CSMD1: variants seen among roughly 807,000 people sequenced by gnomAD.
CSMD1 encodes CUB and Sushi multiple domains 1.
CSMD1 carries 213 observed loss-of-function variants against 417.5 expected under a neutral mutation model. The observed-to-expected ratio is 0.51, with a 90% CI of 0.46 to 0.57. The LOEUF (loss-of-function observed/expected upper bound fraction) is 0.57. CSMD1 is among the 20% of genes least tolerant of loss of function. The pLI, the probability that CSMD1 is intolerant of heterozygous loss-of-function variation, is 0.00. For synonymous variants in CSMD1, 2,862 were observed against 1,736.8 expected, an observed-to-expected ratio of 1.65 and a Z score of -16.11; for missense variants, 6,923 against 4,529.7, an observed-to-expected ratio of 1.53 and a Z score of -15.17.
chr8:4,186,158 T>G (rs1238560141), intron 3 of CSMD1, among the ~76,000 whole-genome samples: 1 of 152,090 alleles, frequency 6.6e-6, no homozygotes, highest in Non-Finnish European at 1.5e-5. Flanking sequence ...CTGGAGCATA[T>G]GAGAAGCAGT....
chr8:4,191,885 A>C (rs1270563725), intron 3 of CSMD1, among the ~76,000 whole-genome samples: 1 of 152,288 alleles, frequency 6.6e-6, no homozygotes, highest in South Asian at 2.1e-4. Flanking sequence ...AAAATTTGAC[A>C]ACAATTCAAA....
At chr8:4,981,976 G>T (rs537464838) in intron 1 of CSMD1, among the ~76,000 whole-genome samples, 1 of 152,140 alleles carries the variant, frequency 6.6e-6, no homozygotes, top group Non-Finnish European at 1.5e-5. Flanking sequence ...CCCAGGAACT[G>T]ATGGTAAACT....
At chr8:4,671,130 T>A (rs1238722484) in intron 1 of CSMD1, among the ~76,000 whole-genome samples, 3 of 152,238 alleles carry the variant, frequency 2.0e-5, no homozygotes, top group Non-Finnish European at 4.4e-5. Context: ...GCACTCAGTA[T>A]TCTCTCTTCA....
chr8:4,041,101 C>G (rs1411391040), intron 3 of CSMD1, among the ~76,000 whole-genome samples: 1 of 146,704 alleles, frequency 6.8e-6, no homozygotes, highest in Non-Finnish European at 1.5e-5. Context: ...ACTGCAAGCT[C>G]CGCCTCCCGG....
At chr8:4,417,243 A>G (rs917010428) in intron 3 of CSMD1, among the ~76,000 whole-genome samples, 1 of 152,068 alleles carries the variant, frequency 6.6e-6, no homozygotes, top group African/African-American at 2.4e-5. Context: ...TCAATGACTG[A>G]ACACGTTGAT....
intron 7 of CSMD1, among the ~76,000 whole-genome samples, chr8:3,682,772 G>C (rs113577244): frequency 6.6e-6 from 1 of 152,170 alleles, no homozygotes; most frequent in African/African-American, 2.4e-5. Context: ...ATTCACAATA[G>C]CAAAGACTTG....
chr8:4,782,989 G>C (rs1310638250), intron 1 of CSMD1, among the ~76,000 whole-genome samples: 1 of 150,490 alleles, frequency 6.6e-6, no homozygotes, highest in African/African-American at 2.4e-5. Context: ...GAAAGAATTG[G>C]GTCAAATGTG....
intron 49 of CSMD1, among the ~76,000 whole-genome samples, chr8:3,060,428 A>T (rs1469550705): frequency 2.6e-5 from 4 of 152,162 alleles, no homozygotes; most frequent in Admixed American, 1.3e-4. Flanking sequence ...AACTCAAGTG[A>T]TCCACCCACC....
intron 5 of CSMD1, among the ~76,000 whole-genome samples, chr8:3,855,672 A>C (rs572266498): frequency 2.0e-5 from 3 of 152,156 alleles, no homozygotes; most frequent in African/African-American, 7.2e-5. Context: ...TTCATTAATC[A>C]TAACTGTTAT....
intron 2 of CSMD1, among the ~76,000 whole-genome samples, chr8:4,421,652 A>G (rs1181696996): frequency 1.2e-4 from 19 of 152,136 alleles, no homozygotes; most frequent in Admixed American, 1.2e-3. Flanking sequence ...AATATAAAAT[A>G]CAACATATTA....
intron 61 of CSMD1, among the ~76,000 whole-genome samples, chr8:2,961,537 T>C (rs1043334695): frequency 8.5e-5 from 13 of 152,184 alleles, no homozygotes; most frequent in African/African-American, 3.1e-4. Flanking sequence ...TAATGACCTA[T>C]CACTATCTTT....
Position 3,408,033 on chromosome 8 carries a change from G to C in CSMD1, c.1937C>G (p.Ser646Cys), listed in dbSNP as rs1162133655. The change falls in exon 14 of 70, where the codon TCT becomes TGT. Residue 646 changes from serine to cysteine, a missense_variant. Coordinates refer to ENST00000635120, the MANE Select transcript of CSMD1 (RefSeq NM_033225.6). ...AAAAGTACCCAGGACAGTTATGTCAGAAATGCCATCATCCTTGACCGCGAG... is the reference window on the plus strand; with the variant it reads ...AAAAGTACCCAGGACAGTTATGTCACAAATGCCATCATCCTTGACCGCGAG... Reference protein sequence around the residue: ...DFLAVKDDGISDITVLGTFSG... With the variant: ...DFLAVKDDGICDITVLGTFSG... 3 of 1,613,834 alleles carry C rather than the reference G, an allele frequency of 1.9e-6. No individual in the cohort carries two copies. Among genetic ancestry groups the C allele is most frequent in the African/African-American group, 2.7e-5 (2 of 74,906 alleles).
intron 10 of CSMD1, among the ~76,000 whole-genome samples, chr8:3,512,285 G>T (rs1403614699): frequency 6.6e-6 from 1 of 152,212 alleles, no homozygotes; most frequent in Non-Finnish European, 1.5e-5. Flanking sequence ...AAGCATTCTT[G>T]AAGATGCAGT....
intron 5 of CSMD1, among the ~76,000 whole-genome samples, chr8:3,852,813 C>A (rs1804008596): frequency 6.6e-6 from 1 of 152,170 alleles, no homozygotes; most frequent in Admixed American, 6.5e-5. Context: ...CACGCTTCAA[C>A]AATTCTCCGC....
chr8:4,355,919 G>A (rs571803367), intron 3 of CSMD1, among the ~76,000 whole-genome samples: 4 of 151,934 alleles, frequency 2.6e-5, no homozygotes, highest in African/African-American at 9.7e-5. Context: ...TGAATCAGCT[G>A]TTTTTTTGTT....
In CSMD1 at chr8:3,181,199, G is replaced by C. The variant is rs764702148; in HGVS notation, c.5636C>G (p.Ala1879Gly). ...LGSFSGTTVP[A>G]LLNSTSNQLY... ...TTGGTTGGAAGTACTGTTCAGCAGT[G>C]CCGGTACTGTGGTGCCTGTAAGAAA... The change falls in exon 37 of 70, where the codon GCA becomes GGA. Residue 1879 changes from alanine (A) to glycine (G), a missense_variant. By Grantham distance (60) the Ala-to-Gly change is moderately conservative. Transcript: ENST00000635120. 1.9e-6 allele frequency: 3 copies of C among 1,612,978 alleles called. No individual in the cohort carries two copies. Among genetic ancestry groups the C allele is most frequent in the Non-Finnish European group, 2.5e-6 (3 of 1,179,080 alleles).
intron 5 of CSMD1, among the ~76,000 whole-genome samples, chr8:3,997,429 C>G (rs1010524845): frequency 6.6e-6 from 1 of 152,150 alleles, no homozygotes; most frequent in African/African-American, 2.4e-5. Context: ...CTTTGAGGAT[C>G]TTGTAGCCAC....
intron 5 of CSMD1, among the ~76,000 whole-genome samples, chr8:3,807,911 GA>G (rs1800837238): frequency 6.6e-6 from 1 of 152,104 alleles, no homozygotes. Context: ...TAATCACATA[GA>G]AAAAATAAAT....
intron 1 of CSMD1, among the ~76,000 whole-genome samples, chr8:4,880,070 G>C (rs766966458): frequency 6.6e-6 from 1 of 152,060 alleles, no homozygotes; most frequent in Non-Finnish European, 1.5e-5. Context: ...CCTTTCTGCT[G>C]AACTTATTAG....
Sources: gnomAD v4.1 joint callset for allele counts (sites outside exome capture counted in the v4.1 genomes callset) on GRCh38, gnomAD v4.1.1 for gene constraint, MANE v1.5 for transcripts, NCBI Gene and HGNC (gene_info 2026-07-23, HGNC 2026-07-21) for gene names.